WWC2: variants seen among roughly 807,000 people sequenced by gnomAD.
WWC2 encodes protein WWC2.
A neutral mutation model predicts 138.5 loss-of-function variants in WWC2; 101 were observed. The ratio of observed to expected loss-of-function variants is 0.73; its 90% CI spans 0.62 to 0.86. The LOEUF is 0.86. Ranked by LOEUF, WWC2 falls within the 40% of genes least tolerant of loss-of-function variation. WWC2 has a pLI of 0.00. For synonymous variants in WWC2, 558 were observed against 538.4 expected (o/e 1.04, Z -0.50); for missense variants, 1,420 against 1,419.4 (o/e 1.00, Z -0.01).
chr4:183,169,847 C>T (rs1734228369), intron 1 of WWC2, among the ~76,000 whole-genome samples: 1 of 152,104 alleles, frequency 6.6e-6, no homozygotes, highest in South Asian at 2.1e-4. Flanking sequence ...AGTAAATATT[C>T]ATGTAAAATT....
intron 1 of WWC2, among the ~76,000 whole-genome samples, chr4:183,118,117 A>T (rs1005648697): frequency 6.6e-6 from 1 of 151,734 alleles, no homozygotes; most frequent in African/African-American, 2.4e-5. Context: ...TATTTTTTTT[A>T]CCTCTACTCT....
intron 1 of WWC2, among the ~76,000 whole-genome samples, chr4:183,176,226 T>C (rs1009699015): frequency 9.2e-5 from 14 of 152,190 alleles, no homozygotes; most frequent in Non-Finnish European, 1.5e-4. Context: ...TTCAATCGTA[T>C]GTTTAAATAG....
In WWC2 at chr4:183,182,111, T is replaced by C. The variant is rs142221155; in HGVS notation, c.132-11488T>C. Among the ~76,000 whole-genome samples, 561 of 152,326 alleles carry C rather than the reference T, an allele frequency of 3.7e-3. 3 individuals are homozygous for C. The highest frequency in any genetic ancestry group is 0.013 in the African/African-American group (526 of 41,570). ...ACATTGTTAACTGGGATTATTCCTA[T>C]GTAGTGAGGTTATAGAGATTTTTTA... On this transcript the variant is annotated intron_variant, in intron 1 of 22. Coordinates refer to ENST00000403733, the MANE Select transcript of WWC2 (RefSeq NM_024949.6).
chr4:183,267,681 A>C (rs1397140054), intron 14 of WWC2, among the ~76,000 whole-genome samples: 1 of 152,186 alleles, frequency 6.6e-6, no homozygotes, highest in Non-Finnish European at 1.5e-5. Context: ...TTCTGGAGGC[A>C]TGGTGATACC....
chr4:183,292,430 A>G (rs796785996), intron 21 of WWC2, among the ~76,000 whole-genome samples: 58 of 152,238 alleles, frequency 3.8e-4, no homozygotes, highest in African/African-American at 1.3e-3. Context: ...GAGGATCACC[A>G]GAGGTATGAG....
chr4:183,315,650 A>C lies in WWC2; in HGVS notation c.3513-13A>C, dbSNP rs761242931. The C allele has an allele frequency of 3.1e-6, 5 of 1,607,602 alleles. No homozygotes were observed. Among genetic ancestry groups the C allele is most frequent in the South Asian group, 2.2e-5 (2 of 89,786 alleles). On this transcript the variant is annotated splice_polypyrimidine_tract_variant and intron_variant, in intron 22 of 22. Transcript: ENST00000403733. ...TCATATATAAGTCAATTTATTTCTC[A>C]CCCCAACTCTAGGGAGAAGATTGCC...
chr4:183,112,933 T>G (rs1170133966), intron 1 of WWC2, among the ~76,000 whole-genome samples: 4 of 152,114 alleles, frequency 2.6e-5, no homozygotes, highest in African/African-American at 4.8e-5. Context: ...TGATACCTTC[T>G]AGGAGTATGT....
At chr4:183,176,029 A>G (rs1291985815) in intron 1 of WWC2, among the ~76,000 whole-genome samples, 1 of 152,232 alleles carries the variant, frequency 6.6e-6, no homozygotes, top group Non-Finnish European at 1.5e-5. Context: ...TCTAAGCTCA[A>G]AGGGCATGCA....
chr4:183,271,243 T>A lies in WWC2; in HGVS notation c.2562+2T>A. On this transcript the variant is annotated splice_donor_variant, in intron 16 of 22. Transcript: ENST00000403733. LOFTEE classifies it high-confidence loss of function. ...CCGTTAGTAGATTCTATAGACTTGGTGAGTCAAAATTAGAGTATAATATGA... is the reference window on the plus strand; with the variant it reads ...CCGTTAGTAGATTCTATAGACTTGGAGAGTCAAAATTAGAGTATAATATGA... 1 of 1,601,266 alleles carries A rather than the reference T, an allele frequency of 6.2e-7. No homozygotes were observed. The highest frequency in any genetic ancestry group is 1.1e-5 in the South Asian group (1 of 87,730).
intron 1 of WWC2, among the ~76,000 whole-genome samples, chr4:183,132,423 C>T (rs943682436): frequency 1.1e-4 from 16 of 150,810 alleles, no homozygotes; most frequent in South Asian, 2.1e-4. Flanking sequence ...TTTTAATATA[C>T]GGGTGTTGAA....
chr4:183,205,037 C>T (rs755613814), intron 2 of WWC2, among the ~76,000 whole-genome samples: 1 of 152,170 alleles, frequency 6.6e-6, no homozygotes, highest in Non-Finnish European at 1.5e-5. Flanking sequence ...AATAAAGCTG[C>T]TAATGAGCAT....
chr4:183,103,944 T>C (rs72691666), intron 1 of WWC2, among the ~76,000 whole-genome samples: 4,470 of 151,910 alleles, frequency 0.029, 92 homozygotes, highest in South Asian at 0.044. Context: ...TGGCCTTGTC[T>C]TTCTTTCAAA....
chr4:183,116,517 C>T (rs1732414131), intron 1 of WWC2, among the ~76,000 whole-genome samples: 1 of 152,212 alleles, frequency 6.6e-6, no homozygotes, highest in South Asian at 2.1e-4. Context: ...AGAACTCAAG[C>T]GTGTCTGTCT....
intron 1 of WWC2, among the ~76,000 whole-genome samples, chr4:183,188,480 T>A (rs1734880155): frequency 6.6e-6 from 1 of 151,970 alleles, no homozygotes; most frequent in South Asian, 2.1e-4. Context: ...TTAAGTGATC[T>A]GCCTGTCTCA....
At chr4:183,153,593 A>G (rs1350279269) in intron 1 of WWC2, among the ~76,000 whole-genome samples, 1 of 152,154 alleles carries the variant, frequency 6.6e-6, no homozygotes, top group Non-Finnish European at 1.5e-5. Flanking sequence ...TGTTATTTTA[A>G]CTAATAATTG....
rs1490697048 is a variant in WWC2, at chr4:183,312,455, G to T, written c.3499G>T (p.Val1167Leu). 2 of 1,613,738 alleles carry T rather than the reference G, an allele frequency of 1.2e-6. No homozygotes were observed. The highest frequency in any genetic ancestry group is 1.3e-5 in the African/African-American group (1 of 75,066). ...REQSQKVPRQ[V>L]QSFREKIAYF... ...GCAGAGCCAGAAGGTGCCTCGGCAGGTGCAGTCCTTCAGGTGAATAGCCCC... is the reference window on the plus strand; with the variant it reads ...GCAGAGCCAGAAGGTGCCTCGGCAGTTGCAGTCCTTCAGGTGAATAGCCCC... The change falls in exon 22 of 23, where the codon GTG becomes TTG. Residue 1167 changes from valine to leucine, a missense_variant. Val to Leu is a conservative substitution (Grantham distance 32). Coordinates refer to ENST00000403733, the MANE Select transcript of WWC2 (RefSeq NM_024949.6).
chr4:183,269,113 C>T lies in WWC2; in HGVS notation c.2350C>T (p.Leu784=). Residue 784 remains leucine, a synonymous_variant, in exon 15 of 23, where the codon CTG becomes TTG. Coordinates refer to ENST00000403733, the MANE Select transcript of WWC2 (RefSeq NM_024949.6). The part of the protein sequence containing the change: ...ISQTALQQKT[L]RVDLCSVSKH... ...CCAAACAGCCTTACAACAGAAGACACTGAGGGTAGACCTTTGCTCTGTCAG... is the reference window on the plus strand; with the variant it reads ...CCAAACAGCCTTACAACAGAAGACATTGAGGGTAGACCTTTGCTCTGTCAG... 1.2e-6 allele frequency: 2 copies of T among 1,613,916 alleles called. No individual in the cohort carries two copies. The highest frequency in any genetic ancestry group is 1.7e-6 in the Non-Finnish European group (2 of 1,179,872).
At chr4:183,106,700 C>T (rs1297443023) in intron 1 of WWC2, among the ~76,000 whole-genome samples, 1 of 152,062 alleles carries the variant, frequency 6.6e-6, no homozygotes, top group Non-Finnish European at 1.5e-5. Flanking sequence ...TTGTATCTGG[C>T]TTCTTTTTTT....
chr4:183,232,363 A>G (rs1044625226), intron 4 of WWC2, among the ~76,000 whole-genome samples: 3 of 152,160 alleles, frequency 2.0e-5, no homozygotes, highest in Non-Finnish European at 2.9e-5. Context: ...ATCTAACTGT[A>G]GGACATTTTT....
Sources: gnomAD v4.1 joint callset for allele counts (sites outside exome capture counted in the v4.1 genomes callset) on GRCh38, gnomAD v4.1.1 for gene constraint, MANE v1.5 for transcripts, NCBI Gene and HGNC (gene_info 2026-07-23, HGNC 2026-07-21) for gene names.